GALNT9: variants seen among roughly 807,000 people sequenced by gnomAD.
GALNT9 encodes polypeptide N-acetylgalactosaminyltransferase 9.
GALNT9 carries 47 observed loss-of-function variants against 63.1 expected under a neutral mutation model. That is an observed-to-expected ratio of 0.75 (90% CI 0.59 to 0.95). The LOEUF (loss-of-function observed/expected upper bound fraction) is 0.95, where lower values mean the gene tolerates loss of function less well. Among genes scored for constraint, GALNT9 ranks in the 40% least tolerant of loss-of-function variants. The probability of loss-of-function intolerance (pLI) is 0.00; values close to 1 mark genes in which losing one functional copy is unlikely to be tolerated. For missense variants in GALNT9, 829 were observed against 874.8 expected (o/e 0.95, Z 0.66); for synonymous variants, 396 against 365.7 (o/e 1.08, Z -0.94).
intron 2 of GALNT9, among the ~76,000 whole-genome samples, chr12:132,267,709 AAAT>A (rs1292711365): frequency 6.6e-6 from 1 of 152,184 alleles, no homozygotes; most frequent in Non-Finnish European, 1.5e-5. Flanking sequence ...TAAAGTGAAG[AAAT>A]AATACTGCTT....
At chr12:132,237,694 C>T (rs1183345913) in intron 6 of GALNT9, among the ~76,000 whole-genome samples, 4 of 152,240 alleles carry the variant, frequency 2.6e-5, no homozygotes, top group African/African-American at 9.7e-5. Context: ...ATGGGGTCCC[C>T]TCCCTTCTGC....
chr12:132,315,472 G>A lies in GALNT9; in HGVS notation c.238+13494C>T, dbSNP rs1176557123. ...TAGCCCCTTGCAGAATTCAGACCCC[G>A]TCTGTTCTTTTCTGACTTAGAAATA... On this transcript the variant is annotated intron_variant, in intron 1 of 10. Transcript: ENST00000328957. The surrounding 1 kb of genome is among the most constrained non-coding windows in gnomAD (Gnocchi z 6.1). Among the ~76,000 whole-genome samples the A allele has an allele frequency of 2.6e-5, 4 of 152,346 alleles. No homozygotes were observed. Among genetic ancestry groups the A allele is most frequent in the East Asian group, 1.9e-4 (1 of 5,194 alleles).
chr12:132,286,103 G>C lies in GALNT9; in HGVS notation c.419+147C>G, dbSNP rs1479937198. Reference sequence around the variant, plus strand: ...CGTGGGGGGCGGTCACTTCCCCGGCGGGCGTGGGGGGCGGTCACTTCCCTG... The same window carrying C: ...CGTGGGGGGCGGTCACTTCCCCGGCCGGCGTGGGGGGCGGTCACTTCCCTG... On this transcript the variant is annotated intron_variant, in intron 2 of 10. Coordinates refer to ENST00000328957, the MANE Select transcript of GALNT9 (RefSeq NM_001122636.2). The surrounding 1 kb of genome is among the most constrained non-coding windows in gnomAD (Gnocchi z 7.4). 3 of 1,039,208 alleles carry C rather than the reference G, an allele frequency of 2.9e-6. No individual in the cohort carries two copies. The highest frequency in any genetic ancestry group is 1.8e-5 in the South Asian group (1 of 54,956). 64.4% of individuals were successfully genotyped at this position (1,039,208 alleles called of 1,614,324 possible).
chr12:132,273,014 G>C (rs1879925569), intron 2 of GALNT9: 1 of 152,370 alleles, frequency 6.6e-6, no homozygotes, highest in Non-Finnish European at 1.5e-5. Context: ...TTCCACCTGA[G>C]TGGCTGTGAG....
intron 2 of GALNT9, among the ~76,000 whole-genome samples, chr12:132,271,512 C>T (rs775309541): frequency 4.9e-4 from 75 of 152,204 alleles, no homozygotes; most frequent in African/African-American, 1.8e-3. Flanking sequence ...CTCCCTCCGA[C>T]GCCCACCCTC....
chr12:132,247,080 AAAAAACCCGCAACCTCCAAAAT>A (rs1446425036), intron 6 of GALNT9, among the ~76,000 whole-genome samples: 2 of 152,218 alleles, frequency 1.3e-5, no homozygotes, highest in Admixed American at 1.3e-4. Flanking sequence ...ACTCCAAAAT[AAAAAACCCGCAACCTCCAAAAT>A]AAAAACCTAA....
chr12:132,321,192 C>A (rs1313052139), intron 1 of GALNT9, among the ~76,000 whole-genome samples: 13 of 151,258 alleles, frequency 8.6e-5, no homozygotes, highest in Non-Finnish European at 1.5e-4. Flanking sequence ...AGTCGAGGCC[C>A]CTGTTGGTCC....
intron 7 of GALNT9, among the ~76,000 whole-genome samples, chr12:132,201,885 T>C (rs954638485): frequency 2.6e-5 from 4 of 151,690 alleles, no homozygotes; most frequent in African/African-American, 9.7e-5. Flanking sequence ...GTCTGTGTCT[T>C]CCTGGGACTG....
intron 2 of GALNT9, chr12:132,280,387 C>G (rs575823133): frequency 7.9e-5 from 12 of 152,376 alleles, no homozygotes; most frequent in Admixed American, 7.8e-4. Flanking sequence ...GACAGATGTG[C>G]CTCACAGGCA....
intron 6 of GALNT9, among the ~76,000 whole-genome samples, chr12:132,235,196 C>T (rs1310805000): frequency 7.9e-5 from 12 of 151,294 alleles, no homozygotes; most frequent in East Asian, 1.9e-4. Flanking sequence ...GCCACACACT[C>T]GATGGCGTGA....
Position 132,261,139 on chromosome 12 carries a change from C to T in GALNT9, c.587-17G>A. On this transcript the variant is annotated splice_polypyrimidine_tract_variant and intron_variant, in intron 3 of 10. Coordinates refer to ENST00000328957, the MANE Select transcript of GALNT9 (RefSeq NM_001122636.2). ...TGAGTTCCACTGAGGAGAGACAAGA[C>T]TTTAGCACGCTGGCAGGTGCTGGCA... 5 of 1,548,032 alleles carry T rather than the reference C, an allele frequency of 3.2e-6. No individual in the cohort carries two copies. The highest frequency in any genetic ancestry group is 4.4e-6 in the Non-Finnish European group (5 of 1,146,160).
At chr12:132,304,566 G>C (rs576759556) in intron 1 of GALNT9, among the ~76,000 whole-genome samples, 19 of 11,516 alleles carry the variant, frequency 1.6e-3, no homozygotes, top group Admixed American at 2.1e-3. Context: ...CACCCTCACC[G>C]GGGCACACCC....
chr12:132,196,671 G>A lies in GALNT9; in HGVS notation c.*436C>T. 2.0e-6 allele frequency: 2 copies of A among 1,002,026 alleles called. No homozygotes were observed. Among genetic ancestry groups the A allele is most frequent in the Non-Finnish European group, 2.4e-6 (2 of 840,540 alleles). The allele number at this position is 1,002,026 out of a possible 1,614,324, so 62.1% of individuals were successfully genotyped here. ...ACTTAGGTCTTGGTTGGAGGGCTGAGCGGCCGCAAGTGCTGGGGGAGGCTG... is the reference window on the plus strand; with the variant it reads ...ACTTAGGTCTTGGTTGGAGGGCTGAACGGCCGCAAGTGCTGGGGGAGGCTG... On this transcript the variant is annotated 3_prime_UTR_variant, in exon 11 of 11. Coordinates refer to ENST00000328957, the MANE Select transcript of GALNT9 (RefSeq NM_001122636.2).
intron 6 of GALNT9, among the ~76,000 whole-genome samples, chr12:132,208,592 G>T (rs769658409): frequency 2.0e-5 from 3 of 152,220 alleles, no homozygotes; most frequent in Non-Finnish European, 4.4e-5. Flanking sequence ...GAGAGACCAT[G>T]TGGAGCAGAG....
Position 132,286,230 on chromosome 12 carries a change from G to T in GALNT9, c.419+20C>A. ...CTTCCTCGGCGGGCGTCGGGGGATG[G>T]GGGGCAGTCACTCACTCACTTTCTG... On this transcript the variant is annotated intron_variant, in intron 2 of 10. Transcript: ENST00000328957. The surrounding 1 kb of genome is among the most constrained non-coding windows in gnomAD (Gnocchi z 7.4). 6.5e-7 allele frequency: 1 copy of T among 1,540,826 alleles called. No homozygotes were observed. Among genetic ancestry groups the T allele is most frequent in the Non-Finnish European group, 8.8e-7 (1 of 1,139,992 alleles).
At position 132,319,713 on chromosome 12, in the gene GALNT9, C is replaced by A. The variant is rs1204662271; in HGVS notation, c.238+9253G>T. Among the ~76,000 whole-genome samples, 1 of 152,198 alleles carries A rather than the reference C, an allele frequency of 6.6e-6. No homozygotes were observed. Among genetic ancestry groups the A allele is most frequent in the East Asian group, 1.9e-4 (1 of 5,200 alleles). On this transcript the variant is annotated intron_variant, in intron 1 of 10. Transcript: ENST00000328957. The surrounding 1 kb of genome is among the most constrained non-coding windows in gnomAD (Gnocchi z 5.2). ...CACTCCGCCACACACACAGCTGTAC[C>A]CGGCACAACACGCGGCCACAGGTCA...
chr12:132,305,614 C>A (rs34284151), intron 1 of GALNT9, among the ~76,000 whole-genome samples: 50,756 of 130,680 alleles, frequency 0.39, 7,177 homozygotes, highest in African/African-American at 0.51. Flanking sequence ...CCCGGGCACA[C>A]CCTCACCCGG....
At chr12:132,228,964 T>G (rs1877800024) in intron 6 of GALNT9, among the ~76,000 whole-genome samples, 1 of 152,200 alleles carries the variant, frequency 6.6e-6, no homozygotes. Context: ...CTAATTGGGC[T>G]GAATTGATCA....
rs1555246777 is a variant in GALNT9 at position 132,329,209 on chromosome 12, C to T, written c.-6G>A. 1.9e-6 allele frequency: 3 copies of T among 1,540,034 alleles called. No individual in the cohort carries two copies. Among genetic ancestry groups the T allele is most frequent in the South Asian group, 1.2e-5 (1 of 83,580 alleles). ...ATCTTCCTGGCCACCGCCATGAACA[C>T]GGCTGCAGCGGGGGCCTCACCCGCG... On this transcript the variant is annotated 5_prime_UTR_variant, in exon 1 of 11. In the 5' UTR this introduces an upstream ATG that the reference lacks. Transcript: ENST00000328957.
Sources: gnomAD v4.1 joint callset for allele counts (sites outside exome capture counted in the v4.1 genomes callset) on GRCh38, gnomAD v4.1.1 for gene constraint, Gnocchi (gnomAD v3.1) non-coding constraint, MANE v1.5 for transcripts, NCBI Gene and HGNC (gene_info 2026-07-23, HGNC 2026-07-21) for gene names.